The following LARP4B variants were observed in gnomAD, a reference collection of about 807,000 sequenced individuals.
LARP4B encodes la-related protein 4B.
Under a neutral mutation model 89.8 loss-of-function variants are expected in LARP4B, and 12 were observed. The observed-to-expected ratio is 0.13, with a 90% CI of 0.09 to 0.22. The LOEUF (loss-of-function observed/expected upper bound fraction) is 0.22, where lower values mean the gene tolerates loss of function less well. Ranked by LOEUF, LARP4B falls within the 10% of genes least tolerant of loss-of-function variation. The probability of loss-of-function intolerance (pLI) is 1.00; values close to 1 mark genes in which losing one functional copy is unlikely to be tolerated. For missense variants in LARP4B, 757 were observed against 947.7 expected (o/e 0.80, Z 2.64); for synonymous variants, 367 against 363.3 (o/e 1.01, Z -0.12).
intron 1 of LARP4B, among the ~76,000 whole-genome samples, chr10:887,340 A>G (rs1835887302): frequency 6.6e-6 from 1 of 152,054 alleles, no homozygotes; most frequent in African/African-American, 2.4e-5. Flanking sequence ...GGCTATATTA[A>G]TGGGCTGGAC....
At chr10:967,945 G>A in the LARP4B span, among the ~76,000 whole-genome samples, 3 of 152,170 alleles carry the variant, frequency 2.0e-5, no homozygotes, top group South Asian at 4.1e-4. Context: ...CAGGCGATCC[G>A]CCCGCCTCAG....
At chr10:948,623 C>G in the LARP4B span, among the ~76,000 whole-genome samples, 1 of 152,264 alleles carries the variant, frequency 6.6e-6, no homozygotes, top group Non-Finnish European at 1.5e-5. Flanking sequence ...CGTCCACCCC[C>G]ACAGGACCTT....
At chr10:915,199 C>A (rs1325738029) in intron 1 of LARP4B, among the ~76,000 whole-genome samples, 1 of 151,708 alleles carries the variant, frequency 6.6e-6, no homozygotes, top group African/African-American at 2.4e-5. Context: ...GTGGGAGGAT[C>A]ACTTGAGCCC....
intron 5 of LARP4B, among the ~76,000 whole-genome samples, chr10:848,566 T>TA (rs71297917): frequency 0.065 from 9,290 of 143,404 alleles, 409 homozygotes; most frequent in African/African-American, 0.12. Flanking sequence ...TAAAAGTTAT[T>TA]AAAAAAAAAA....
At chr10:830,502 A>G (rs1832847328) in intron 9 of LARP4B, among the ~76,000 whole-genome samples, 1 of 152,200 alleles carries the variant, frequency 6.6e-6, no homozygotes, top group Non-Finnish European at 1.5e-5. Context: ...TCTCAATACC[A>G]TTAAAAGCAT....
chr10:960,442 C>A, the LARP4B span, among the ~76,000 whole-genome samples: 3 of 152,154 alleles, frequency 2.0e-5, no homozygotes, highest in Admixed American at 2.0e-4. Flanking sequence ...TATGGTGGCT[C>A]ACTCCTGTAA....
intron 1 of LARP4B, among the ~76,000 whole-genome samples, chr10:920,025 GCA>G (rs1217278671): frequency 6.6e-6 from 1 of 152,112 alleles, no homozygotes; most frequent in African/African-American, 2.4e-5. Flanking sequence ...CTTTTAAAAA[GCA>G]CAGTCTAATA....
chr10:988,261 G>C, the LARP4B span: 10,357 of 564,116 alleles, frequency 0.018, 834 homozygotes, highest in African/African-American at 0.18. Flanking sequence ...CCTCTCCTCT[G>C]TACCCTCGCT....
At chr10:882,636 T>C (rs571782499) in intron 3 of LARP4B, among the ~76,000 whole-genome samples, 2 of 152,326 alleles carry the variant, frequency 1.3e-5, no homozygotes, top group East Asian at 3.9e-4. Flanking sequence ...ATTCTTACAG[T>C]CTAATAGAGA....
chr10:811,954 A>G lies in LARP4B; in HGVS notation c.*972T>C, dbSNP rs1009077425. 6.6e-6 allele frequency: 1 copy of G among 152,360 alleles called. No individual in the cohort carries two copies. The highest frequency in any genetic ancestry group is 2.4e-5 in the African/African-American group (1 of 41,440). The allele number at this position is 152,360 out of a possible 1,614,324, so 9.4% of individuals were successfully genotyped here. A position where few individuals can be genotyped will look rare whatever the true frequency, so the allele number is the denominator to read the frequency against. On this transcript the variant is annotated 3_prime_UTR_variant, in exon 18 of 18. Transcript: ENST00000316157. ...TATCCTCCACCAGCCAAAGAGGGGG[A>G]AAAACCACAAACACCATTCTCTCAC...
rs989413017 is a variant in LARP4B, at chr10:832,066, C to T, written c.751-1089G>A. Among the ~76,000 whole-genome samples the T allele has an allele frequency of 6.6e-5, 10 of 152,098 alleles. No homozygotes were observed. The East Asian group carries it at 9.7e-4, about 15-fold the overall frequency. ...TTTTTTTATTTATTTATTTTTGAGA[C>T]GGAGTCTCGCTCTTTCGCCCAGGCC... On this transcript the variant is annotated intron_variant, in intron 8 of 17. Coordinates refer to ENST00000316157, the MANE Select transcript of LARP4B (RefSeq NM_015155.3).
chr10:873,763 G>T (rs968150529), intron 3 of LARP4B, among the ~76,000 whole-genome samples: 1 of 152,228 alleles, frequency 6.6e-6, no homozygotes, highest in African/African-American at 2.4e-5. Flanking sequence ...ATTACTAATT[G>T]TGTCAGGTGT....
chr10:871,344 G>A (rs1835188619), intron 3 of LARP4B, among the ~76,000 whole-genome samples: 1 of 152,076 alleles, frequency 6.6e-6, no homozygotes, highest in Non-Finnish European at 1.5e-5. Flanking sequence ...CCATCGGGGG[G>A]CACTCCTTGT....
At chr10:959,053 G>A in the LARP4B span, among the ~76,000 whole-genome samples, 2 of 152,254 alleles carry the variant, frequency 1.3e-5, no homozygotes, top group East Asian at 3.9e-4. Context: ...AACGGCCCTG[G>A]GCTGGTGGTT....
At chr10:833,274 A>C (rs1053173484) in intron 8 of LARP4B, among the ~76,000 whole-genome samples, 2,372 of 144,032 alleles carry the variant, frequency 0.016, 76 homozygotes, top group African/African-American at 0.056. Context: ...AAAAAAAAAA[A>C]AAAAAAAAAA....
chr10:939,326 T>C, the LARP4B span, among the ~76,000 whole-genome samples: 23 of 152,114 alleles, frequency 1.5e-4, no homozygotes, highest in Non-Finnish European at 3.1e-4. Flanking sequence ...TGTTAGGAGG[T>C]TTAGGGTCTG....
At chr10:971,584 G>A in the LARP4B span, 1 of 152,204 alleles carries the variant, frequency 6.6e-6, no homozygotes, top group Non-Finnish European at 1.5e-5. Flanking sequence ...GGCCACGGCA[G>A]AGTTGCCTGT....
the LARP4B span, among the ~76,000 whole-genome samples, chr10:959,385 ACCT>A: frequency 7.4e-5 from 5 of 67,670 alleles, no homozygotes; most frequent in Admixed American, 6.2e-4. Context: ...CATCAATCCC[ACCT>A]CCTCATCAAT....
rs376820899 is a variant in LARP4B, at chr10:842,885, A to C, written c.646+47T>G. ...TTTAAAGGTTCATGCTGATAAGACA[A>C]ATACTCTAAGGACAAGTATTATTAA... On this transcript the variant is annotated intron_variant, in intron 7 of 17. Transcript: ENST00000316157. 4 of 1,572,720 alleles carry C rather than the reference A, an allele frequency of 2.5e-6. No individual in the cohort carries two copies. In the African/African-American group the frequency reaches 5.4e-5, roughly 21 times the overall value.
Sources: gnomAD v4.1 joint callset for allele counts (sites outside exome capture counted in the v4.1 genomes callset) on GRCh38, gnomAD v4.1.1 for gene constraint, MANE v1.5 for transcripts, NCBI Gene and HGNC (gene_info 2026-07-23, HGNC 2026-07-21) for gene names.